The following SETBP1 variants were observed in gnomAD, a reference collection of about 807,000 sequenced individuals.
The protein encoded by SETBP1 is SET-binding protein.
SETBP1 carries 9 observed loss-of-function variants against 101.0 expected under a neutral mutation model. The observed-to-expected ratio is 0.09, with a 90% CI of 0.05 to 0.16. The LOEUF (loss-of-function observed/expected upper bound fraction) is 0.16, where lower values mean the gene tolerates loss of function less well. Among genes scored for constraint, SETBP1 ranks in the 10% least tolerant of loss-of-function variants. The pLI is 1.00. For missense variants in SETBP1, 1,858 were observed against 2,033.8 expected, an observed-to-expected ratio of 0.91 and a Z score of 1.66; for synonymous variants, 818 against 788.5, an observed-to-expected ratio of 1.04 and a Z score of -0.63.
intron 2 of SETBP1, among the ~76,000 whole-genome samples, chr18:44,711,029 G>A (rs892229329): frequency 2.6e-5 from 4 of 152,122 alleles, no homozygotes; most frequent in East Asian, 1.9e-4. Flanking sequence ...ACGCCACGTC[G>A]TATGAAGTCT....
intron 2 of SETBP1, among the ~76,000 whole-genome samples, chr18:44,731,661 C>T (rs1194073152): frequency 1.3e-5 from 2 of 151,554 alleles, no homozygotes; most frequent in Non-Finnish European, 2.9e-5. Context: ...CACGCGCACG[C>T]ACACACACAC....
intron 4 of SETBP1, among the ~76,000 whole-genome samples, chr18:45,036,288 G>T (rs866628247): frequency 4.7e-5 from 7 of 147,532 alleles, no homozygotes; most frequent in African/African-American, 1.8e-4. Flanking sequence ...AGCCAAGATT[G>T]CACCACTGCA....
chr18:44,916,406 C>A (rs1026020096), intron 3 of SETBP1, among the ~76,000 whole-genome samples: 27 of 152,168 alleles, frequency 1.8e-4, no homozygotes, highest in Non-Finnish European at 1.5e-5. Context: ...CCATAGAGGA[C>A]AATCTTTTGC....
intron 2 of SETBP1, among the ~76,000 whole-genome samples, chr18:44,772,106 C>T (rs770108081): frequency 7.2e-5 from 11 of 152,118 alleles, no homozygotes; most frequent in African/African-American, 2.4e-4. Flanking sequence ...TCCTCTCCCC[C>T]GCCCCAGCCT....
intron 2 of SETBP1, among the ~76,000 whole-genome samples, chr18:44,850,995 G>C (rs1360703574): frequency 6.6e-6 from 1 of 152,158 alleles, no homozygotes; most frequent in Non-Finnish European, 1.5e-5. Flanking sequence ...AAAGACACAG[G>C]ATCTATTCAA....
At chr18:44,863,071 C>T (rs1452276877) in intron 2 of SETBP1, among the ~76,000 whole-genome samples, 1 of 152,174 alleles carries the variant, frequency 6.6e-6, no homozygotes, top group Non-Finnish European at 1.5e-5. Context: ...GAGTAGCAAC[C>T]TATTGGTTCC....
At chr18:44,883,020 A>G (rs1196686909) in intron 3 of SETBP1, among the ~76,000 whole-genome samples, 7 of 152,190 alleles carry the variant, frequency 4.6e-5, no homozygotes, top group Admixed American at 4.6e-4. Flanking sequence ...TGAAGCAGTG[A>G]ATGGAGGGGA....
At chr18:44,878,172 G>A (rs540881704) in intron 3 of SETBP1, among the ~76,000 whole-genome samples, 57 of 152,264 alleles carry the variant, frequency 3.7e-4, no homozygotes, top group Admixed American at 2.8e-3. Flanking sequence ...TTTCAGAACA[G>A]AAATATAAAC....
At chr18:44,816,400 A>T (rs557045211) in intron 2 of SETBP1, among the ~76,000 whole-genome samples, 10 of 152,314 alleles carry the variant, frequency 6.6e-5, no homozygotes, top group South Asian at 4.2e-4. Context: ...GAGAGGGGTC[A>T]GCAGCTGGCT....
At chr18:44,922,006 C>T (rs1012845791) in intron 3 of SETBP1, among the ~76,000 whole-genome samples, 1 of 152,126 alleles carries the variant, frequency 6.6e-6, no homozygotes, top group Non-Finnish European at 1.5e-5. Flanking sequence ...ATTGGCCAAG[C>T]TTGAGGAATT....
intron 4 of SETBP1, among the ~76,000 whole-genome samples, chr18:45,017,516 G>T (rs546678915): frequency 1.8e-4 from 28 of 152,332 alleles, no homozygotes; most frequent in African/African-American, 6.7e-4. Context: ...CCGAAGGAAG[G>T]GACCTTTGCA....
Position 44,845,249 on chromosome 18 carries a change from C to T in SETBP1, c.487-23981C>T, listed in dbSNP as rs913903631. On this transcript the variant is annotated intron_variant, in intron 2 of 5. Coordinates refer to ENST00000649279, the MANE Select transcript of SETBP1 (RefSeq NM_015559.3). Reference sequence around the variant, plus strand: ...AGTTTCCATGCTCTCAGTTAAATGACGTTCCTGTGTCATGGTTCTTCCACA... The same window carrying T: ...AGTTTCCATGCTCTCAGTTAAATGATGTTCCTGTGTCATGGTTCTTCCACA... Among the ~76,000 whole-genome samples the T allele has an allele frequency of 1.1e-4, 17 of 152,280 alleles. No homozygotes were observed. The East Asian group carries it at 1.9e-3, about 17-fold the overall frequency.
intron 2 of SETBP1, among the ~76,000 whole-genome samples, chr18:44,799,069 A>C (rs1397047451): frequency 2.0e-5 from 3 of 152,204 alleles, no homozygotes; most frequent in African/African-American, 7.2e-5. Flanking sequence ...TGTGGTGGGC[A>C]CTGTGGACGA....
intron 4 of SETBP1, among the ~76,000 whole-genome samples, chr18:45,016,338 G>A (rs1487219463): frequency 6.6e-6 from 1 of 152,150 alleles, no homozygotes; most frequent in Non-Finnish European, 1.5e-5. Flanking sequence ...ACCCAGGGAA[G>A]AGAGCAGAGC....
intron 5 of SETBP1, among the ~76,000 whole-genome samples, chr18:45,049,349 C>A (rs548555068): frequency 5.8e-4 from 88 of 152,150 alleles, no homozygotes; most frequent in African/African-American, 1.9e-3. Context: ...ACCCAAAAGT[C>A]TAGAATAAGG....
intron 3 of SETBP1, 33 bp from the exon 4 acceptor site, chr18:44,949,848 G>T: frequency 6.6e-7 from 1 of 1,515,060 alleles, no homozygotes; most frequent in South Asian, 1.1e-5. Context: ...CTCTCTCTCT[G>T]TCTCTCTCCC....
chr18:45,044,878 G>T (rs1412728236), intron 5 of SETBP1, among the ~76,000 whole-genome samples: 1 of 152,228 alleles, frequency 6.6e-6, no homozygotes, highest in African/African-American at 2.4e-5. Context: ...AGAGCAAGTT[G>T]TTCAGTTAGT....
At chr18:44,980,618 G>A (rs1354120457) in intron 4 of SETBP1, among the ~76,000 whole-genome samples, 1 of 152,180 alleles carries the variant, frequency 6.6e-6, no homozygotes, top group Non-Finnish European at 1.5e-5. Context: ...GGGAGAGGCA[G>A]GGAGGTTGAG....
chr18:44,785,674 C>T (rs2071225500), intron 2 of SETBP1, among the ~76,000 whole-genome samples: 1 of 152,138 alleles, frequency 6.6e-6, no homozygotes, highest in Non-Finnish European at 1.5e-5. Flanking sequence ...ACCATTGTTC[C>T]ATCTCCTTGC....
Sources: gnomAD v4.1 joint callset for allele counts (sites outside exome capture counted in the v4.1 genomes callset) on GRCh38, gnomAD v4.1.1 for gene constraint, MANE v1.5 for transcripts, NCBI Gene and HGNC (gene_info 2026-07-23, HGNC 2026-07-21) for gene names.